The following STARD13 variants were observed in gnomAD, a reference collection of about 807,000 sequenced individuals.
STARD13 encodes StAR related lipid transfer domain containing 13.
Under a neutral mutation model 106.4 loss-of-function variants are expected in STARD13, and 62 were observed. The observed-to-expected ratio is 0.58, with a 90% CI of 0.48 to 0.72. The LOEUF (loss-of-function observed/expected upper bound fraction) is 0.72. STARD13 is among the 30% of genes least tolerant of loss of function. The pLI, the probability that STARD13 is intolerant of heterozygous loss-of-function variation, is 0.00. For missense variants in STARD13, 1,387 were observed against 1,424.0 expected (o/e 0.97, Z 0.42); for synonymous variants, 565 against 553.0 (o/e 1.02, Z -0.31).
At position 33,167,558 on chromosome 13, in the gene STARD13, T is replaced by C. The variant is rs1594023126; in HGVS notation, c.234A>G (p.Leu78=). The change falls in exon 2 of 14, where the codon TTA becomes TTG. Residue 78 remains leucine, a synonymous_variant. Coordinates refer to ENST00000336934, the MANE Select transcript of STARD13 (RefSeq NM_178006.4). The part of the protein sequence containing the change: ...RAAGFPQYAQ[L]YEDSQFPINI... Reference sequence around the variant, plus strand: ...AGCGAAGGGCTGACGTACCCTCATATAACTGAGCGTATTGCGGGAACCCGG... The same window carrying C: ...AGCGAAGGGCTGACGTACCCTCATACAACTGAGCGTATTGCGGGAACCCGG... The C allele has an allele frequency of 1.2e-6, 2 of 1,614,072 alleles. No homozygotes were observed. The highest frequency in any genetic ancestry group is 1.7e-5 in the Admixed American group (1 of 60,010).
chr13:33,310,382 G>A (rs1476172565), intron 1 of STARD13, among the ~76,000 whole-genome samples: 1 of 152,120 alleles, frequency 6.6e-6, no homozygotes, highest in Non-Finnish European at 1.5e-5. Flanking sequence ...TTCTTTATAA[G>A]TGAAAGTTAC....
chr13:33,520,272 T>C, the STARD13 span: 1 of 152,150 alleles, frequency 6.6e-6, no homozygotes, highest in African/African-American at 2.4e-5. Flanking sequence ...CATGGGTGGA[T>C]ATATCTAGTC....
At chr13:33,514,565 A>G in the STARD13 span, among the ~76,000 whole-genome samples, 1 of 152,082 alleles carries the variant, frequency 6.6e-6, no homozygotes, top group Non-Finnish European at 1.5e-5. Context: ...GGCAGTGTTT[A>G]ACAGTAGGTG....
the STARD13 span, among the ~76,000 whole-genome samples, chr13:33,563,228 T>G: frequency 6.8e-6 from 1 of 146,178 alleles, no homozygotes; most frequent in South Asian, 2.2e-4. Flanking sequence ...AGAAAAAAAA[T>G]CATAAAATGT....
intron 1 of STARD13, among the ~76,000 whole-genome samples, chr13:33,260,297 T>C (rs1422620714): frequency 6.6e-6 from 1 of 152,236 alleles, no homozygotes; most frequent in Non-Finnish European, 1.5e-5. Flanking sequence ...TATCGTAGCA[T>C]CTTTCGCACT....
At chr13:33,239,534 A>G (rs1187574723) in intron 1 of STARD13, among the ~76,000 whole-genome samples, 1 of 152,100 alleles carries the variant, frequency 6.6e-6, no homozygotes, top group Non-Finnish European at 1.5e-5. Context: ...ATCATTGCCA[A>G]GACTTCTTGT....
the STARD13 span, among the ~76,000 whole-genome samples, chr13:33,666,399 T>C: frequency 1.3e-5 from 2 of 152,236 alleles, no homozygotes; most frequent in Admixed American, 6.5e-5. Context: ...GTTCACGCCG[T>C]TCTCCTGCCT....
At chr13:33,354,639 T>C (rs916016340), upstream of STARD13, among the ~76,000 whole-genome samples, 11 of 152,200 alleles carry the variant, frequency 7.2e-5, no homozygotes, top group African/African-American at 2.7e-4. Flanking sequence ...TGACTATTCC[T>C]ATAGTTTTAA....
At chr13:33,373,182 A>G in the STARD13 span, among the ~76,000 whole-genome samples, 5 of 152,164 alleles carry the variant, frequency 3.3e-5, no homozygotes, top group Non-Finnish European at 7.4e-5. Flanking sequence ...TTAAGATTTT[A>G]AATCTAAGGA....
the STARD13 span, among the ~76,000 whole-genome samples, chr13:33,466,333 A>G: frequency 6.6e-6 from 1 of 152,234 alleles, no homozygotes; most frequent in African/African-American, 2.4e-5. Flanking sequence ...AACTTGAAAC[A>G]TTCAAATACA....
At chr13:33,463,158 G>C in the STARD13 span, among the ~76,000 whole-genome samples, 2 of 152,300 alleles carry the variant, frequency 1.3e-5, no homozygotes, top group African/African-American at 4.8e-5. Context: ...TTTTGCCCAG[G>C]AAAGAATTCA....
chr13:33,128,880 A>T, intron 5 of STARD13, 49 bp downstream of exon 5: 1 of 1,540,792 alleles, frequency 6.5e-7, no homozygotes, highest in Non-Finnish European at 8.7e-7. Context: ...ACAGAACACA[A>T]TTACTATGAA....
chr13:33,535,130 G>A, the STARD13 span, among the ~76,000 whole-genome samples: 4 of 152,032 alleles, frequency 2.6e-5, no homozygotes, highest in East Asian at 1.9e-4. Context: ...CTGGAAAATC[G>A]CTTGAACCCA....
intron 1 of STARD13, among the ~76,000 whole-genome samples, chr13:33,312,633 A>AT (rs978768170): frequency 1.2e-4 from 19 of 152,280 alleles, no homozygotes; most frequent in African/African-American, 3.8e-4. Context: ...ATATATTATA[A>AT]TTTTTGCTTT....
chr13:33,349,388 C>T (rs982106590), intron 1 of STARD13, among the ~76,000 whole-genome samples: 14 of 152,204 alleles, frequency 9.2e-5, no homozygotes, highest in Admixed American at 6.5e-4. Flanking sequence ...AGTCTGGCCA[C>T]GTTCCCTTAT....
At chr13:33,432,198 G>A in the STARD13 span, among the ~76,000 whole-genome samples, 13 of 152,142 alleles carry the variant, frequency 8.5e-5, no homozygotes, top group African/African-American at 3.1e-4. Context: ...GGAGAAAAGA[G>A]GACCCACAGT....
intron 1 of STARD13, chr13:33,275,555 A>C (rs962024335): frequency 1.3e-5 from 2 of 152,176 alleles, no homozygotes; most frequent in Admixed American, 6.5e-5. Context: ...CTCTATGGGG[A>C]TGATGTAGAG....
At chr13:33,617,561 G>A in the STARD13 span, among the ~76,000 whole-genome samples, 1 of 152,066 alleles carries the variant, frequency 6.6e-6, no homozygotes, top group Non-Finnish European at 1.5e-5. Flanking sequence ...CAAATAATTA[G>A]GTTCAGCTCA....
chr13:33,345,876 G>A (rs1489970346), downstream of STARD13, among the ~76,000 whole-genome samples: 1 of 152,124 alleles, frequency 6.6e-6, no homozygotes, highest in Admixed American at 6.5e-5. Flanking sequence ...TTGCTTTGGG[G>A]CTTCCTTGTT....
Sources: gnomAD v4.1 joint callset for allele counts (sites outside exome capture counted in the v4.1 genomes callset) on GRCh38, gnomAD v4.1.1 for gene constraint, MANE v1.5 for transcripts, NCBI Gene and HGNC (gene_info 2026-07-23, HGNC 2026-07-21) for gene names.